The following PLS1 variants were observed in gnomAD, a reference collection of about 807,000 sequenced individuals.
PLS1 encodes the protein plastin-1.
In PLS1, 32 loss-of-function variants were observed where a neutral mutation model predicts 73.7. The observed-to-expected ratio is 0.43, with a 90% CI of 0.33 to 0.58. The LOEUF (loss-of-function observed/expected upper bound fraction) is 0.58, where lower values mean the gene tolerates loss of function less well. Ranked by LOEUF, PLS1 falls within the 20% of genes least tolerant of loss-of-function variation. The pLI is 0.04. For synonymous variants in PLS1, 217 were observed against 261.3 expected (o/e 0.83, Z 1.63); for missense variants, 633 against 740.5 (o/e 0.85, Z 1.68).
intron 6 of PLS1, 64 bp from the exon 7 acceptor site, chr3:142,683,942 A>G: frequency 8.2e-7 from 1 of 1,221,672 alleles, no homozygotes; most frequent in Non-Finnish European, 1.1e-6. Context: ...TCTTATAGAT[A>G]ATTTTTATAG....
chr3:142,603,856 A>G (rs571288401), intron 1 of PLS1, among the ~76,000 whole-genome samples: 11 of 152,038 alleles, frequency 7.2e-5, no homozygotes, highest in Non-Finnish European at 1.3e-4. Context: ...CAAGCTGACC[A>G]CAAAAAAAAA....
At chr3:142,655,739 A>G (rs1428632890) in intron 1 of PLS1, among the ~76,000 whole-genome samples, 1 of 151,566 alleles carries the variant, frequency 6.6e-6, no homozygotes. Flanking sequence ...AAAAAAAAAA[A>G]AAAGATCACA....
At chr3:142,678,534 G>A (rs965230898) in intron 6 of PLS1, among the ~76,000 whole-genome samples, 1 of 149,982 alleles carries the variant, frequency 6.7e-6, no homozygotes, top group Non-Finnish European at 1.5e-5. Context: ...TTGGTTTTTT[G>A]TTCTTGTAAT....
At chr3:142,616,402 G>A (rs929357865) in intron 1 of PLS1, among the ~76,000 whole-genome samples, 16 of 151,920 alleles carry the variant, frequency 1.1e-4, no homozygotes, top group Non-Finnish European at 1.9e-4. Context: ...AAAATAATAG[G>A]TATTGTATTT....
chr3:142,650,211 C>CTTTTTTTTTTTTTTTTT (rs1171297517), intron 1 of PLS1, among the ~76,000 whole-genome samples: 1 of 70,872 alleles, frequency 1.4e-5, no homozygotes, highest in Non-Finnish European at 2.5e-5. Flanking sequence ...GCTTCTTCTT[C>CTTTTTTTTTTTTTTTTT]TTTTTTTTTT....
At position 142,704,520 on chromosome 3, in the gene PLS1, T is replaced by G; in HGVS notation, c.1563T>G (p.Ile521Met). The change falls in exon 14 of 16, where the codon ATT becomes ATG. Residue 521 changes from isoleucine to methionine, a missense_variant. Ile to Met is a conservative substitution (Grantham distance 10). Coordinates refer to ENST00000457734, the MANE Select transcript of PLS1 (RefSeq NM_001145319.2). ...LGEGEKVNDE[I>M]IIKWVNQTLK... ...AGGGTGAAAAAGTAAATGATGAAAT[T>G]ATAATTAAATGGGTCAATCAGACTC... 6.3e-7 allele frequency: 1 copy of G among 1,595,622 alleles called. No individual in the cohort carries two copies. The highest frequency in any genetic ancestry group is 8.6e-7 in the Non-Finnish European group (1 of 1,164,762).
intron 1 of PLS1, among the ~76,000 whole-genome samples, chr3:142,639,826 T>A (rs2036789693): frequency 6.6e-6 from 1 of 152,244 alleles, no homozygotes; most frequent in South Asian, 2.1e-4. Flanking sequence ...TTTCTAAGTG[T>A]AGAGAATAAA....
At position 142,704,145 on chromosome 3, in the gene PLS1, G is replaced by C. The variant is rs1577913449; in HGVS notation, c.1505+144G>C. On this transcript the variant is annotated intron_variant, in intron 13 of 15. Transcript: ENST00000457734. Reference sequence around the variant, plus strand: ...TTTAATTTTTAAAGGATTTACTGTTGATTATGGTTTTTTTGTAAATTATAT... The same window carrying C: ...TTTAATTTTTAAAGGATTTACTGTTCATTATGGTTTTTTTGTAAATTATAT... 4 of 640,318 alleles carry C rather than the reference G, an allele frequency of 6.2e-6. No homozygotes were observed. The East Asian group carries it at 1.2e-4, about 19-fold the overall frequency. The allele number at this position is 640,318 out of a possible 1,614,324, so 39.7% of individuals were successfully genotyped here.
chr3:142,605,407 G>T, intron 1 of PLS1, among the ~76,000 whole-genome samples: 1 of 152,128 alleles, frequency 6.6e-6, no homozygotes, highest in East Asian at 1.9e-4. Context: ...GTCTTGCTCC[G>T]TTGCTCAGGC....
At chr3:142,688,303 A>G (rs1477065034) in intron 9 of PLS1, among the ~76,000 whole-genome samples, 1 of 152,112 alleles carries the variant, frequency 6.6e-6, no homozygotes, top group Non-Finnish European at 1.5e-5. Context: ...TAATTTAATA[A>G]TCTGTTGCTT....
chr3:142,633,531 C>A (rs1172365375), intron 1 of PLS1, among the ~76,000 whole-genome samples: 2 of 152,108 alleles, frequency 1.3e-5, no homozygotes, highest in East Asian at 1.9e-4. Flanking sequence ...TGGCAGGCAC[C>A]TGTAATCCCA....
At position 142,712,876 on chromosome 3, in the gene PLS1, T is replaced by A. The variant is rs1933200396; in HGVS notation, c.*869T>A. 6.6e-6 allele frequency: 1 copy of A among 152,620 alleles called. No homozygotes were observed. The highest frequency in any genetic ancestry group is 6.5e-5 in the Admixed American group (1 of 15,280). The allele number at this position is 152,620 out of a possible 1,614,324, so 9.5% of individuals were successfully genotyped here. On this transcript the variant is annotated 3_prime_UTR_variant, in exon 16 of 16. Transcript: ENST00000457734. ...TCTGATACATTAAGATTTCTTTTTA[T>A]AAGTATTCATTTTGAATGTGCATAT...
At chr3:142,688,869 T>C (rs2038027432) in intron 9 of PLS1, among the ~76,000 whole-genome samples, 1 of 152,198 alleles carries the variant, frequency 6.6e-6, no homozygotes, top group Non-Finnish European at 1.5e-5. Flanking sequence ...CTTTTCCCTA[T>C]GATTTTAATT....
In PLS1 at chr3:142,712,185, A is replaced by G. The variant is rs779855540; in HGVS notation, c.*178A>G. ...TAGAGCTGGTCAGCCTTTTTGGGTA[A>G]CACAGTTAATTTACCAACTGATACA... On this transcript the variant is annotated 3_prime_UTR_variant, in exon 16 of 16. Coordinates refer to ENST00000457734, the MANE Select transcript of PLS1 (RefSeq NM_001145319.2). The G allele has an allele frequency of 9.8e-6, 5 of 511,370 alleles. No individual in the cohort carries two copies. The highest frequency in any genetic ancestry group is 3.8e-5 in the South Asian group (1 of 26,480). 31.7% of individuals were successfully genotyped at this position (511,370 alleles called of 1,614,324 possible). A position where few individuals can be genotyped will look rare whatever the true frequency, so the allele number is the denominator to read the frequency against.
chr3:142,656,334 G>A (rs1178141860), intron 1 of PLS1, among the ~76,000 whole-genome samples: 1 of 152,194 alleles, frequency 6.6e-6, no homozygotes, highest in Admixed American at 6.5e-5. Context: ...AGTTATTTTA[G>A]TGCTGAAGGA....
chr3:142,610,748 A>G (rs1380206782), intron 1 of PLS1, among the ~76,000 whole-genome samples: 2 of 152,006 alleles, frequency 1.3e-5, no homozygotes, highest in African/African-American at 4.8e-5. Context: ...GTCCTCTCTT[A>G]CTCAGTTTTC....
rs1933145139 is a variant in PLS1, at chr3:142,711,876, G to A, written c.1759G>A (p.Ala587Thr). The A allele has an allele frequency of 3.1e-6, 5 of 1,613,254 alleles. No homozygotes were observed. In the South Asian group the frequency reaches 3.3e-5, roughly 11 times the overall value. Residue 587 changes from alanine to threonine, a missense_variant, in exon 16 of 16, where the codon GCC becomes ACC. Coordinates refer to ENST00000457734, the MANE Select transcript of PLS1 (RefSeq NM_001145319.2). Reference sequence around the variant, plus strand: ...TATTTTTCTTGTCTCTTCAAGATACGCCATTTCAGTTGCTCGAAAGATCGG... The same window carrying A: ...TATTTTTCTTGTCTCTTCAAGATACACCATTTCAGTTGCTCGAAAGATCGG... ...DEDKLNNAKY[A>T]ISVARKIGAR...
chr3:142,614,350 G>A (rs73228773), intron 1 of PLS1, among the ~76,000 whole-genome samples: 4,952 of 152,230 alleles, frequency 0.033, 112 homozygotes, highest in Non-Finnish European at 0.046. Flanking sequence ...GAAGGGGGTG[G>A]TCATTCAGGT....
At chr3:142,641,635 A>G (rs1353258453) in intron 1 of PLS1, among the ~76,000 whole-genome samples, 1 of 151,738 alleles carries the variant, frequency 6.6e-6, no homozygotes, top group Non-Finnish European at 1.5e-5. Context: ...TTGTCTGTGT[A>G]AGTTTTGTCT....
Sources: allele counts gnomAD v4.1 joint callset (sites outside exome capture counted in the v4.1 genomes callset), GRCh38; gene constraint gnomAD v4.1.1; transcripts MANE v1.5; gene names NCBI Gene and HGNC (gene_info 2026-07-23, HGNC 2026-07-21).